Variants in SORCS2 observed in about 807,000 individuals in gnomAD.
SORCS2 encodes the protein sortilin related VPS10 domain containing receptor 2, also known as VPS10 domain-containing receptor SorCS2.
In SORCS2, 100 loss-of-function variants were observed where a neutral mutation model predicts 141.6. The ratio of observed to expected loss-of-function variants is 0.71; its 90% CI spans 0.60 to 0.83. The LOEUF (loss-of-function observed/expected upper bound fraction) is 0.83, where lower values mean the gene tolerates loss of function less well. Ranked by LOEUF, SORCS2 falls within the 40% of genes least tolerant of loss-of-function variation. The pLI, the probability that SORCS2 is intolerant of heterozygous loss-of-function variation, is 0.00. For missense variants in SORCS2, 1,646 were observed against 1,560.2 expected (o/e 1.05, Z -0.93); for synonymous variants, 789 against 676.9 (o/e 1.17, Z -2.57).
At chr4:7,205,439 A>G (rs1466134578) in intron 1 of SORCS2, among the ~76,000 whole-genome samples, 1 of 152,260 alleles carries the variant, frequency 6.6e-6, no homozygotes, top group Non-Finnish European at 1.5e-5. Flanking sequence ...CAGTTTTAGT[A>G]TTTCTTCAGT....
intron 3 of SORCS2, among the ~76,000 whole-genome samples, chr4:7,580,704 C>T (rs1304323293): frequency 6.6e-6 from 1 of 152,122 alleles, no homozygotes; most frequent in African/African-American, 2.4e-5. Flanking sequence ...ATGGAGCTGT[C>T]CTTGGGGGAG....
At chr4:7,615,440 G>A (rs1718696147) in intron 3 of SORCS2, among the ~76,000 whole-genome samples, 1 of 152,224 alleles carries the variant, frequency 6.6e-6, no homozygotes, top group African/African-American at 2.4e-5. Flanking sequence ...ATGTGCCAGG[G>A]AGGGAGAGGT....
chr4:7,524,472 C>T (rs1247964394), intron 2 of SORCS2, among the ~76,000 whole-genome samples: 1 of 152,112 alleles, frequency 6.6e-6, no homozygotes. Flanking sequence ...CAACTCACGC[C>T]CTGGCCCTGC....
Position 7,650,735 on chromosome 4 carries a change from GCCCA to G in SORCS2, c.814-3398_814-3395del, listed in dbSNP as rs1560456289. On this transcript the variant is annotated intron_variant, in intron 4 of 26. Transcript: ENST00000507866. ...CTCTCTCCCCGCCCCGCCCAGCCCA[GCCCA>G]GCCCAGCCCAGCCCAGCCCAGCCCA... Among the ~76,000 whole-genome samples, 3 of 43,800 alleles carry G rather than the reference GCCCA, an allele frequency of 6.8e-5. No individual in the cohort carries two copies. The East Asian group carries it at 2.0e-3, about 29-fold the overall frequency. 28.7% of individuals were successfully genotyped at this position (43,800 alleles called of 152,430 possible).
rs537321404 is a variant in SORCS2, at chr4:7,635,745, A to G, written c.649-2583A>G. ...TTTCCTACGGATAAACCACACCAAG[A>G]AGCACAGCTCTGAGCACACACCTTC... On this transcript the variant is annotated intron_variant, in intron 3 of 26. Coordinates refer to ENST00000507866, the MANE Select transcript of SORCS2 (RefSeq NM_020777.3). Among the ~76,000 whole-genome samples, 3 of 152,270 alleles carry G rather than the reference A, an allele frequency of 2.0e-5. No homozygotes were observed. In the South Asian group the frequency reaches 6.2e-4, roughly 32 times the overall value.
At chr4:7,521,147 A>T (rs544975434) in intron 2 of SORCS2, among the ~76,000 whole-genome samples, 34 of 151,148 alleles carry the variant, frequency 2.2e-4, no homozygotes, top group African/African-American at 7.5e-4. Flanking sequence ...GGTTCCCTTC[A>T]CTCTGTCCTC....
At chr4:7,255,610 G>C (rs1363780715) in intron 1 of SORCS2, among the ~76,000 whole-genome samples, 1 of 152,194 alleles carries the variant, frequency 6.6e-6, no homozygotes, top group Non-Finnish European at 1.5e-5. Context: ...TCAAGAAGCT[G>C]GTTAGCCTCG....
chr4:7,238,070 T>C (rs1350245951), intron 1 of SORCS2, among the ~76,000 whole-genome samples: 3 of 152,082 alleles, frequency 2.0e-5, no homozygotes, highest in African/African-American at 4.8e-5. Context: ...TTCTTTCCGA[T>C]GCGCTGGCAA....
At chr4:7,519,892 C>G (rs1269417638) in intron 2 of SORCS2, among the ~76,000 whole-genome samples, 2 of 152,242 alleles carry the variant, frequency 1.3e-5, no homozygotes, top group East Asian at 3.8e-4. Flanking sequence ...CCACAGGATC[C>G]TGGGCTCCCC....
chr4:7,553,444 G>A (rs1163215442), intron 3 of SORCS2, among the ~76,000 whole-genome samples: 1 of 152,246 alleles, frequency 6.6e-6, no homozygotes, highest in Non-Finnish European at 1.5e-5. Context: ...CTGTAGATAG[G>A]TGCAGAAAAA....
intron 2 of SORCS2, among the ~76,000 whole-genome samples, chr4:7,475,901 G>C (rs1200301570): frequency 6.6e-6 from 1 of 152,208 alleles, no homozygotes; most frequent in Non-Finnish European, 1.5e-5. Context: ...TCTTGGATCT[G>C]GTGCCACTGT....
chr4:7,705,008 A>G (rs1725330248), intron 14 of SORCS2, among the ~76,000 whole-genome samples: 1 of 114,572 alleles, frequency 8.7e-6, no homozygotes, highest in Non-Finnish European at 1.8e-5. Context: ...ATATCTGAAT[A>G]GTGTGTCCCA....
At chr4:7,216,011 T>C (rs934950103) in intron 1 of SORCS2, among the ~76,000 whole-genome samples, 4 of 152,036 alleles carry the variant, frequency 2.6e-5, no homozygotes, top group Admixed American at 2.0e-4. Flanking sequence ...GTTCTTTCGC[T>C]CTTTGCAATA....
intron 2 of SORCS2, among the ~76,000 whole-genome samples, chr4:7,493,184 G>A (rs1731411842): frequency 6.6e-6 from 1 of 152,174 alleles, no homozygotes. Context: ...AATCTCAGGT[G>A]GGAGGGTTTG....
chr4:7,717,950 T>C (rs1726302391), intron 17 of SORCS2, 62 bp from the exon 18 acceptor site: 1 of 1,484,302 alleles, frequency 6.7e-7, no homozygotes, highest in Non-Finnish European at 9.0e-7. Flanking sequence ...CTCCCCAGAC[T>C]ATGGGGCCCC....
intron 2 of SORCS2, among the ~76,000 whole-genome samples, chr4:7,515,544 C>T (rs1732919943): frequency 6.6e-6 from 1 of 152,244 alleles, no homozygotes; most frequent in Non-Finnish European, 1.5e-5. Context: ...GGAGCAGCTT[C>T]CTCAGCACAT....
At chr4:7,427,537 G>C (rs1282917045) in intron 2 of SORCS2, among the ~76,000 whole-genome samples, 2 of 152,196 alleles carry the variant, frequency 1.3e-5, no homozygotes, top group African/African-American at 4.8e-5. Flanking sequence ...ACTTCCTCCT[G>C]CCTTTGGCAG....
At chr4:7,535,816 T>TG (rs111583077) in intron 3 of SORCS2, among the ~76,000 whole-genome samples, 33,393 of 152,210 alleles carry the variant, frequency 0.22, 4,699 homozygotes, top group African/African-American at 0.4. Flanking sequence ...GTGCCAGGCA[T>TG]GGGGGGCATT....
chr4:7,548,137 T>C (rs890475519), intron 3 of SORCS2, among the ~76,000 whole-genome samples: 3 of 152,206 alleles, frequency 2.0e-5, no homozygotes, highest in Non-Finnish European at 4.4e-5. Flanking sequence ...ATTGCTGGGC[T>C]GAAAGAGGAA....
Sources: allele counts gnomAD v4.1 joint callset (sites outside exome capture counted in the v4.1 genomes callset), GRCh38; gene constraint gnomAD v4.1.1; transcripts MANE v1.5; gene names NCBI Gene and HGNC (gene_info 2026-07-23, HGNC 2026-07-21).